CLEC2L: variants seen among roughly 807,000 people sequenced by gnomAD.
The protein encoded by CLEC2L is C-type lectin domain family 2 member L, also known as C-type lectin domain family 2, member L.
In CLEC2L, 14 loss-of-function variants were observed where a neutral mutation model predicts 23.6. That is an observed-to-expected ratio of 0.59 (90% confidence interval 0.39 to 0.93). CLEC2L has a LOEUF of 0.93. Ranked by LOEUF, CLEC2L falls within the 40% of genes least tolerant of loss-of-function variation. The pLI is 0.00. For synonymous variants in CLEC2L, 114 were observed against 121.3 expected, an observed-to-expected ratio of 0.94 and a Z score of 0.40; for missense variants, 264 against 282.4, an observed-to-expected ratio of 0.93 and a Z score of 0.47.
chr7:139,531,418 T>C (rs1797580934), intron 1 of CLEC2L, among the ~76,000 whole-genome samples: 2 of 151,986 alleles, frequency 1.3e-5, no homozygotes, highest in South Asian at 4.1e-4. Flanking sequence ...AATTAAGAAC[T>C]CAGTAGAAGG....
At position 139,533,988 on chromosome 7, in the gene CLEC2L, A is replaced by G. The variant is rs190452531; in HGVS notation, c.191-2286A>G. Among the ~76,000 whole-genome samples, 13 of 152,332 alleles carry G rather than the reference A, an allele frequency of 8.5e-5. No homozygotes were observed. The East Asian group carries it at 2.5e-3, about 29-fold the overall frequency. On this transcript the variant is annotated intron_variant, in intron 1 of 4. Coordinates refer to ENST00000422142, the MANE Select transcript of CLEC2L (RefSeq NM_001080511.4). ...ACAATGTAACTGTACTTAACTGTGC[A>G]CTCAATGGTTAAGATGGTAAAAAAA...
intron 1 of CLEC2L, among the ~76,000 whole-genome samples, chr7:139,532,566 G>T (rs1797595762): frequency 6.6e-6 from 1 of 152,126 alleles, no homozygotes; most frequent in Non-Finnish European, 1.5e-5. Flanking sequence ...CCTGCACGTT[G>T]GTTTCCTCCC....
chr7:139,536,154 A>C (rs1797651768), intron 1 of CLEC2L, 120 bp from the exon 2 acceptor site: 1 of 752,704 alleles, frequency 1.3e-6, no homozygotes. Flanking sequence ...AACAACAACA[A>C]CAAAACACAG....
At chr7:139,543,595 G>T (rs1486146833) in intron 4 of CLEC2L, among the ~76,000 whole-genome samples, 1 of 152,196 alleles carries the variant, frequency 6.6e-6, no homozygotes, top group East Asian at 1.9e-4. Context: ...TTGAGGTAGG[G>T]GGGAATCCTC....
intron 2 of CLEC2L, among the ~76,000 whole-genome samples, chr7:139,538,220 G>A (rs1159297667): frequency 1.3e-5 from 2 of 151,794 alleles, no homozygotes; most frequent in Non-Finnish European, 2.9e-5. Flanking sequence ...ATCACTTGAG[G>A]TCAGGAGTTC....
At chr7:139,530,473 A>G (rs1167178823) in intron 1 of CLEC2L, among the ~76,000 whole-genome samples, 2 of 152,120 alleles carry the variant, frequency 1.3e-5, no homozygotes, top group Non-Finnish European at 2.9e-5. Flanking sequence ...CATTCTGTAC[A>G]GATTCTCTCC....
At chr7:139,534,587 G>T in intron 1 of CLEC2L, 1 of 725,426 alleles carries the variant, frequency 1.4e-6, no homozygotes, top group Non-Finnish European at 2.5e-6. Flanking sequence ...GGTTGGGGGT[G>T]GGCTTGGAAC....
chr7:139,540,532 G>C lies in CLEC2L; in HGVS notation c.432+45G>C. ...GGGGGTTGGGGGAAGGGACCCTCAG[G>C]GCCCCCAACCTTGACTCTAGGGGAC... On this transcript the variant is annotated intron_variant, in intron 3 of 4. Transcript: ENST00000422142. This position sits in a 1 kb window ranked among gnomAD's most constrained non-coding sequence, Gnocchi z 5.8. 6.4e-7 allele frequency: 1 copy of C among 1,554,020 alleles called. No individual in the cohort carries two copies. Among genetic ancestry groups the C allele is most frequent in the Non-Finnish European group, 8.7e-7 (1 of 1,149,082 alleles).
At chr7:139,526,679 GA>G (rs1797511972) in intron 1 of CLEC2L, among the ~76,000 whole-genome samples, 1 of 152,150 alleles carries the variant, frequency 6.6e-6, no homozygotes, top group Admixed American at 6.5e-5. Context: ...CAACTTCCTG[GA>G]CCATTTGCTT....
intron 1 of CLEC2L, chr7:139,534,204 T>TGGCGTCGGCAGCGGC: frequency 1.3e-6 from 1 of 784,646 alleles, no homozygotes; most frequent in Admixed American, 1.7e-5. Context: ...GTAGCAGCGG[T>TGGCGTCGGCAGCGGC]GGTGTCGGCA....
In CLEC2L at chr7:139,539,795, T is replaced by A. The variant is rs924314543; in HGVS notation, c.266-526T>A. The A allele has an allele frequency of 1.3e-5, 2 of 158,414 alleles. No homozygotes were observed. Among genetic ancestry groups the A allele is most frequent in the African/African-American group, 4.8e-5 (2 of 41,394 alleles). 9.8% of individuals were successfully genotyped at this position (158,414 alleles called of 1,614,324 possible). ...ACTCCAGAGGCCTTAGACCAGCAGG[T>A]CTAGGTCACAGGGGGACAGGTTGGG... On this transcript the variant is annotated intron_variant, in intron 2 of 4. Transcript: ENST00000422142. This position sits in a 1 kb window ranked among gnomAD's most constrained non-coding sequence, Gnocchi z 4.1.
intron 1 of CLEC2L, among the ~76,000 whole-genome samples, chr7:139,527,955 GAT>G (rs1797528609): frequency 6.6e-6 from 1 of 152,162 alleles, no homozygotes. Flanking sequence ...CCTTTTTTGG[GAT>G]ATGAGTGTGA....
chr7:139,534,724 C>G (rs1585199792), intron 1 of CLEC2L, among the ~76,000 whole-genome samples: 1 of 151,966 alleles, frequency 6.6e-6, no homozygotes, highest in East Asian at 1.9e-4. Flanking sequence ...TTTGGAAACC[C>G]CCGTTGCCCC....
intron 4 of CLEC2L, among the ~76,000 whole-genome samples, chr7:139,542,512 C>T (rs2116328966): frequency 6.6e-6 from 1 of 152,332 alleles, no homozygotes; most frequent in South Asian, 2.1e-4. Flanking sequence ...CCCCATTGGC[C>T]AGAACTTAGT....
intron 4 of CLEC2L, among the ~76,000 whole-genome samples, chr7:139,542,424 C>T (rs1797749119): frequency 6.6e-6 from 1 of 152,212 alleles, no homozygotes. Flanking sequence ...CTTGTCGGCT[C>T]CACTCAGTGT....
chr7:139,542,052 C>T lies in CLEC2L; in HGVS notation c.464C>T (p.Pro155Leu), dbSNP rs1455412028. 3 of 1,613,068 alleles carry T rather than the reference C, an allele frequency of 1.9e-6. No homozygotes were observed. The highest frequency in any genetic ancestry group is 2.5e-6 in the Non-Finnish European group (3 of 1,179,650). Residue 155 changes from proline to leucine, a missense_variant, in exon 4 of 5, where the codon CCC becomes CTC. Pro to Leu is a moderately conservative substitution (Grantham distance 98, BLOSUM62 -3). Coordinates refer to ENST00000422142, the MANE Select transcript of CLEC2L (RefSeq NM_001080511.4). ...EFMFKFTRRE[P>L]WIGLRRVGDE... is the part of the protein sequence containing the mutation. ...ATGTTCAAGTTCACGCGGAGGGAGC[C>T]CTGGATTGGACTACGCAGAGTTGGG... is the stretch of plus-strand genomic sequence containing the variant.
At position 139,534,510 on chromosome 7, in the gene CLEC2L, G is replaced by T; in HGVS notation, c.191-1764G>T. On this transcript the variant is annotated intron_variant, in intron 1 of 4. Coordinates refer to ENST00000422142, the MANE Select transcript of CLEC2L (RefSeq NM_001080511.4). ...TAAAAAAAGACTGGATTAAAGAGAAGATCTACATGCTTCTTCATCGGCAGG... is the reference window on the plus strand; with the variant it reads ...TAAAAAAAGACTGGATTAAAGAGAATATCTACATGCTTCTTCATCGGCAGG... 3.9e-6 allele frequency: 3 copies of T among 774,992 alleles called. No homozygotes were observed. The South Asian group carries it at 4.0e-5, about 10-fold the overall frequency. 48.0% of individuals were successfully genotyped at this position (774,992 alleles called of 1,614,324 possible). A position where few individuals can be genotyped will look rare whatever the true frequency, so the allele number is the denominator to read the frequency against.
chr7:139,533,324 G>T (rs1316125624), intron 1 of CLEC2L, among the ~76,000 whole-genome samples: 1 of 152,200 alleles, frequency 6.6e-6, no homozygotes, highest in Admixed American at 6.5e-5. Flanking sequence ...AGTTGACAGT[G>T]GTTGGCTTTG....
chr7:139,542,527 T>C lies in CLEC2L; in HGVS notation c.533+406T>C, dbSNP rs879799926. On this transcript the variant is annotated intron_variant, in intron 4 of 4. Transcript: ENST00000422142. ...CCCCATTGGCCAGAACTTAGTCACA[T>C]GGCCGCACCTGGCCGCAAGGGAGGA... 1.8e-4 allele frequency among the ~76,000 whole-genome samples: 27 copies of C among 152,314 alleles called. 1 individual carries two copies. The highest frequency in any genetic ancestry group is 1.0e-3 in the South Asian group (5 of 4,828).
Sources: allele counts gnomAD v4.1 joint callset (sites outside exome capture counted in the v4.1 genomes callset), GRCh38; gene constraint gnomAD v4.1.1; non-coding constraint Gnocchi (gnomAD v3.1); transcripts MANE v1.5; gene names NCBI Gene and HGNC (gene_info 2026-07-23, HGNC 2026-07-21).